Variants in UIMC1 observed in about 807,000 individuals in gnomAD.
UIMC1 encodes the protein BRCA1-A complex subunit RAP80.
UIMC1 carries 42 observed loss-of-function variants against 84.9 expected under a neutral mutation model. That is an observed-to-expected ratio of 0.49 (90% CI 0.39 to 0.64). The LOEUF is 0.64. Ranked by LOEUF, UIMC1 falls within the 30% of genes least tolerant of loss-of-function variation. UIMC1 has a pLI of 0.00. For synonymous variants in UIMC1, 281 were observed against 293.0 expected (o/e 0.96, Z 0.42); for missense variants, 825 against 847.6 (o/e 0.97, Z 0.33).
At chr5:176,931,680 C>A (rs376812630) in intron 10 of UIMC1, among the ~76,000 whole-genome samples, 1 of 152,184 alleles carries the variant, frequency 6.6e-6, no homozygotes. Flanking sequence ...AAAAGTTGAA[C>A]AAAAGTTGTT....
At chr5:176,929,260 G>GA (rs1420011692) in intron 10 of UIMC1, among the ~76,000 whole-genome samples, 1 of 145,804 alleles carries the variant, frequency 6.9e-6, no homozygotes, top group Admixed American at 6.9e-5. Context: ...ATCTCAGAAA[G>GA]AAAAAAAATT....
intron 1 of UIMC1, among the ~76,000 whole-genome samples, chr5:176,983,641 T>TGCCC (rs1771395592): frequency 6.6e-6 from 1 of 152,184 alleles, no homozygotes; most frequent in African/African-American, 2.4e-5. Context: ...TTACAGCCTC[T>TGCCC]GCCCGCCCGC....
chr5:176,968,539 C>T lies in UIMC1; in HGVS notation c.1200+16G>A. The T allele has an allele frequency of 2.6e-6, 4 of 1,565,388 alleles. No homozygotes were observed. Among genetic ancestry groups the T allele is most frequent in the Non-Finnish European group, 3.4e-6 (4 of 1,160,242 alleles). ...GTGAATAAATCATCCTTAATTACAG[C>T]ATCACTGACCCTTACCTGACCATGA... On this transcript the variant is annotated intron_variant, in intron 6 of 14. Coordinates refer to ENST00000511320, the MANE Select transcript of UIMC1 (RefSeq NM_001199298.2).
intron 10 of UIMC1, 29 bp downstream of exon 10, chr5:176,943,306 A>T (rs757567980): frequency 4.0e-5 from 64 of 1,603,168 alleles, no homozygotes; most frequent in Non-Finnish European, 5.4e-5. Flanking sequence ...CAAAAAAGTA[A>T]GAGTTTGGCT....
intron 4 of UIMC1, chr5:176,970,458 T>C (rs780216347): frequency 4.7e-6 from 2 of 422,540 alleles, no homozygotes; most frequent in Non-Finnish European, 8.7e-6. Flanking sequence ...GTTCTTGGTA[T>C]TCAGTAAGTC....
upstream of UIMC1, chr5:177,006,817 G>A (rs1775353351): frequency 6.6e-6 from 1 of 152,192 alleles, no homozygotes; most frequent in South Asian, 2.1e-4. Context: ...AACCCCCGCC[G>A]CGGGGGAGCC....
chr5:176,959,866 T>C (rs889030320), intron 6 of UIMC1, among the ~76,000 whole-genome samples: 7 of 151,756 alleles, frequency 4.6e-5, no homozygotes, highest in Admixed American at 1.3e-4. Context: ...ATCCCGTCTC[T>C]ACTAAAAATA....
intron 9 of UIMC1, among the ~76,000 whole-genome samples, chr5:176,950,100 CTTTTT>C (rs779279628): frequency 1.2e-4 from 13 of 108,654 alleles, no homozygotes; most frequent in African/African-American, 4.4e-4. Context: ...AGGAACCTTT[CTTTTT>C]TTTTTTTTTT....
chr5:177,021,329 C>T (rs1044836048), intron 1 of UIMC1, among the ~76,000 whole-genome samples: 49 of 152,120 alleles, frequency 3.2e-4, no homozygotes, highest in African/African-American at 1.2e-3. Flanking sequence ...TCCCTGCCTT[C>T]CTGGGGCTTG....
At chr5:176,905,633 ACT>A (rs1421291462) in intron 14 of UIMC1, 141 bp from the exon 15 acceptor site, 7 of 809,332 alleles carry the variant, frequency 8.6e-6, no homozygotes, top group Middle Eastern at 3.7e-4. Flanking sequence ...ACATATCATC[ACT>A]CTGTTTTCAC....
intron 10 of UIMC1, among the ~76,000 whole-genome samples, chr5:176,929,952 C>A (rs966539569): frequency 1.3e-5 from 2 of 152,152 alleles, no homozygotes; most frequent in African/African-American, 4.8e-5. Flanking sequence ...AAGTAAGTTT[C>A]ATATGGAGAA....
intron 10 of UIMC1, among the ~76,000 whole-genome samples, chr5:176,942,000 C>T (rs192125358): frequency 1.6e-4 from 25 of 152,202 alleles, no homozygotes; most frequent in African/African-American, 4.8e-4. Context: ...CCCGGCACCA[C>T]GCCTGGTTAA....
At chr5:176,992,791 G>A (rs1341063792) in intron 1 of UIMC1, among the ~76,000 whole-genome samples, 2 of 152,066 alleles carry the variant, frequency 1.3e-5, no homozygotes, top group South Asian at 2.1e-4. Context: ...AGGCAACAGA[G>A]TAAGACCCCG....
In UIMC1 at chr5:176,951,526, G is replaced by C; in HGVS notation, c.1391C>G (p.Pro464Arg). 1.3e-6 allele frequency: 2 copies of C among 1,586,850 alleles called. No individual in the cohort carries two copies. Among genetic ancestry groups the C allele is most frequent in the Non-Finnish European group, 1.7e-6 (2 of 1,168,166 alleles). Residue 464 changes from proline to arginine, a missense_variant, in exon 9 of 15, where the codon CCA becomes CGA. Coordinates refer to ENST00000511320, the MANE Select transcript of UIMC1 (RefSeq NM_001199298.2). Reference sequence around the variant, plus strand: ...TCCATCCAAGATATCTCTGCTACCTGGAGAGACTTCTCTTTCAAGGTCAAA... The same window carrying C: ...TCCATCCAAGATATCTCTGCTACCTCGAGAGACTTCTCTTTCAAGGTCAAA... ...ETFDLEREVS[P>R]GSRDILDGVR...
At chr5:176,958,237 C>A in intron 6 of UIMC1, 83 bp from the exon 7 acceptor site, 1 of 1,147,404 alleles carries the variant, frequency 8.7e-7, no homozygotes, top group Non-Finnish European at 1.2e-6. Flanking sequence ...TTTAATTGTT[C>A]AATGTTCTCC....
chr5:176,906,017 G>T lies in UIMC1; in HGVS notation c.1943C>A (p.Ala648Asp). 1 of 1,614,008 alleles carries T rather than the reference G, an allele frequency of 6.2e-7. No individual in the cohort carries two copies. The highest frequency in any genetic ancestry group is 8.5e-7 in the Non-Finnish European group (1 of 1,179,940). The change falls in exon 14 of 15, where the codon GCC becomes GAC. Residue 648 changes from alanine (A) to aspartate (D), a missense_variant. Ala to Asp is a moderately radical substitution (Grantham distance 126). Transcript: ENST00000511320. ...AGTGCACAATCCAATTCACCTGAAG[G>T]CTCCTGTTTCTGAAGACTTGATGTC... Reference protein sequence around the residue: ...DADIKSSETGAFRVPSPGMEE... With the variant: ...DADIKSSETGDFRVPSPGMEE...
intron 10 of UIMC1, among the ~76,000 whole-genome samples, chr5:176,922,978 C>T (rs559741121): frequency 6.6e-6 from 1 of 152,310 alleles, no homozygotes; most frequent in South Asian, 2.1e-4. Flanking sequence ...TCTGGCATTG[C>T]AGTACTGTCT....
At chr5:176,966,985 A>G (rs1052450340) in intron 6 of UIMC1, among the ~76,000 whole-genome samples, 1 of 152,214 alleles carries the variant, frequency 6.6e-6, no homozygotes, top group African/African-American at 2.4e-5. Flanking sequence ...GACTACACTG[A>G]GACGCCATTT....
At chr5:176,906,452 G>A (rs1462536552) in intron 13 of UIMC1, among the ~76,000 whole-genome samples, 1 of 152,164 alleles carries the variant, frequency 6.6e-6, no homozygotes, top group Non-Finnish European at 1.5e-5. Flanking sequence ...ATTAGAACTA[G>A]ATGGTAAGCA....
Sources: gnomAD v4.1 joint callset for allele counts (sites outside exome capture counted in the v4.1 genomes callset) on GRCh38, gnomAD v4.1.1 for gene constraint, MANE v1.5 for transcripts, NCBI Gene and HGNC (gene_info 2026-07-23, HGNC 2026-07-21) for gene names.